The following FDX1 variants were observed in gnomAD, a reference collection of about 807,000 sequenced individuals.
The protein encoded by FDX1 is ferredoxin 1.
A neutral mutation model predicts 14.9 loss-of-function variants in FDX1; 9 were observed. That is an observed-to-expected ratio of 0.60 (90% CI 0.36 to 1.05). The LOEUF (loss-of-function observed/expected upper bound fraction) is 1.05. Among genes scored for constraint, FDX1 ranks in the 50% least tolerant of loss-of-function variants. The probability of loss-of-function intolerance (pLI) is 0.01; values close to 1 mark genes in which losing one functional copy is unlikely to be tolerated. For missense variants in FDX1, 204 were observed against 237.2 expected (o/e 0.86, Z 0.92); for synonymous variants, 92 against 99.4 (o/e 0.93, Z 0.44).
chr11:110,436,028 T>A, intron 2 of FDX1, 70 bp downstream of exon 2: 2 of 1,431,840 alleles, frequency 1.4e-6, no homozygotes, highest in Non-Finnish European at 1.9e-6. Flanking sequence ...TTTGTGGTTT[T>A]TTTTTTTGAA....
rs1946579540 is a variant in FDX1, at chr11:110,464,284, A to C, written c.*1816A>C. The C allele has an allele frequency of 6.6e-6, 1 of 152,138 alleles. No individual in the cohort carries two copies. Among genetic ancestry groups the C allele is most frequent in the African/African-American group, 2.4e-5 (1 of 41,410 alleles). 9.4% of individuals were successfully genotyped at this position (152,138 alleles called of 1,614,324 possible). On this transcript the variant is annotated 3_prime_UTR_variant, in exon 4 of 4. Coordinates refer to ENST00000260270, the MANE Select transcript of FDX1 (RefSeq NM_004109.5). ...CTGTTGCTATAATAGAATAACACAG[A>C]CTGGGTAATTTATAAAGAAAAGAGA... is the stretch of plus-strand genomic sequence containing the variant.
At position 110,463,761 on chromosome 11, in the gene FDX1, A is replaced by G. The variant is rs952386209; in HGVS notation, c.*1293A>G. On this transcript the variant is annotated 3_prime_UTR_variant, in exon 4 of 4. Coordinates refer to ENST00000260270, the MANE Select transcript of FDX1 (RefSeq NM_004109.5). ...TTCACCTTTTATTAGGAAAATATAA[A>G]ATATGTATGTATGTGCAGATAATTT... 31 of 152,232 alleles carry G rather than the reference A, an allele frequency of 2.0e-4. No homozygotes were observed. Among genetic ancestry groups the G allele is most frequent in the African/African-American group, 7.5e-4 (31 of 41,460 alleles). The allele number at this position is 152,232 out of a possible 1,614,324, so 9.4% of individuals were successfully genotyped here.
At position 110,430,066 on chromosome 11, in the gene FDX1, C is replaced by A; in HGVS notation, c.-55C>A. On this transcript the variant is annotated 5_prime_UTR_variant, in exon 1 of 4. Transcript: ENST00000260270. ...TGCCGCCCCCGCCTCTTTGGAGTCT[C>A]TCGCGGCCTCAAAGCGCGGCCTGCG... 1 of 1,178,750 alleles carries A rather than the reference C, an allele frequency of 8.5e-7. No individual in the cohort carries two copies. Among genetic ancestry groups the A allele is most frequent in the Non-Finnish European group, 1.1e-6 (1 of 945,746 alleles). 73.0% of individuals were successfully genotyped at this position (1,178,750 alleles called of 1,614,324 possible). A position where few individuals can be genotyped will look rare whatever the true frequency, so the allele number is the denominator to read the frequency against.
At chr11:110,441,108 T>C (rs1291850995) in intron 2 of FDX1, among the ~76,000 whole-genome samples, 1 of 152,254 alleles carries the variant, frequency 6.6e-6, no homozygotes, top group Non-Finnish European at 1.5e-5. Context: ...AGATATGACT[T>C]GCTTCTTCTT....
intron 2 of FDX1, among the ~76,000 whole-genome samples, chr11:110,446,775 T>C (rs1028185414): frequency 6.6e-6 from 1 of 152,192 alleles, no homozygotes; most frequent in East Asian, 1.9e-4. Flanking sequence ...CACGAGGGGC[T>C]GGCCAGCCAC....
At chr11:110,458,664 G>A (rs1946537459) in intron 3 of FDX1, among the ~76,000 whole-genome samples, 1 of 151,688 alleles carries the variant, frequency 6.6e-6, no homozygotes, top group Non-Finnish European at 1.5e-5. Flanking sequence ...CTGGAGTGCA[G>A]TGACATGATC....
intron 2 of FDX1, 67 bp from the exon 3 acceptor site, chr11:110,456,851 T>A: frequency 6.6e-7 from 1 of 1,507,250 alleles, no homozygotes; most frequent in Non-Finnish European, 9.0e-7. Context: ...TTAGAAGCCT[T>A]TACTGAACCA....
chr11:110,433,276 G>T (rs4754451), intron 1 of FDX1, among the ~76,000 whole-genome samples: 49,507 of 152,018 alleles, frequency 0.33, 8,175 homozygotes, highest in East Asian at 0.38. Context: ...TACCCATATT[G>T]CCATCTGGTG....
At chr11:110,452,538 T>G (rs1320734368) in intron 2 of FDX1, among the ~76,000 whole-genome samples, 1 of 152,058 alleles carries the variant, frequency 6.6e-6, no homozygotes, top group African/African-American at 2.4e-5. Context: ...TTGTGTTGTT[T>G]AGAGTTTCTC....
chr11:110,453,197 C>T (rs1371061965), intron 2 of FDX1, among the ~76,000 whole-genome samples: 1 of 152,072 alleles, frequency 6.6e-6, no homozygotes, highest in Non-Finnish European at 1.5e-5. Context: ...ATTAGCCAGG[C>T]ATGGTGGCTC....
At chr11:110,459,234 A>G (rs1946542059) in intron 3 of FDX1, among the ~76,000 whole-genome samples, 2 of 152,230 alleles carry the variant, frequency 1.3e-5, no homozygotes, top group Non-Finnish European at 2.9e-5. Flanking sequence ...GGATAATAAT[A>G]GTACCTACCT....
intron 3 of FDX1, among the ~76,000 whole-genome samples, chr11:110,457,802 A>G (rs1307263557): frequency 6.6e-6 from 1 of 152,202 alleles, no homozygotes; most frequent in Non-Finnish European, 1.5e-5. Flanking sequence ...ATTTTGTTAT[A>G]CACTTTTAAT....
chr11:110,451,417 T>C (rs1317563185), intron 2 of FDX1, among the ~76,000 whole-genome samples: 1 of 152,120 alleles, frequency 6.6e-6, no homozygotes, highest in East Asian at 1.9e-4. Flanking sequence ...GAATGGTGAT[T>C]ATTAAAAAGT....
At chr11:110,444,734 A>G (rs1292630199) in intron 2 of FDX1, among the ~76,000 whole-genome samples, 1 of 67,948 alleles carries the variant, frequency 1.5e-5, no homozygotes, top group Non-Finnish European at 2.7e-5. Flanking sequence ...GTATATATAT[A>G]TATATATATA....
At chr11:110,431,839 A>G (rs1302078005) in intron 1 of FDX1, among the ~76,000 whole-genome samples, 1 of 152,178 alleles carries the variant, frequency 6.6e-6, no homozygotes, top group African/African-American at 2.4e-5. Flanking sequence ...ATTTCTATTC[A>G]TGGTCTTATC....
intron 1 of FDX1, among the ~76,000 whole-genome samples, chr11:110,434,338 T>G (rs11213399): frequency 6.4e-4 from 46 of 71,890 alleles, no homozygotes; most frequent in South Asian, 1.6e-3. Context: ...CTATTGATTT[T>G]TTTTTTTTTT....
intron 2 of FDX1, among the ~76,000 whole-genome samples, chr11:110,447,031 C>T (rs1445786169): frequency 1.3e-5 from 2 of 151,510 alleles, no homozygotes; most frequent in Non-Finnish European, 2.9e-5. Flanking sequence ...AAAAATTAGC[C>T]AGGTGTGGTG....
At chr11:110,436,770 G>T (rs1175354244) in intron 2 of FDX1, among the ~76,000 whole-genome samples, 2 of 152,076 alleles carry the variant, frequency 1.3e-5, no homozygotes, top group Admixed American at 6.6e-5. Flanking sequence ...ATCCTTTAAA[G>T]AACCATTTCT....
At chr11:110,432,510 C>T (rs1174291771) in intron 1 of FDX1, among the ~76,000 whole-genome samples, 1 of 152,128 alleles carries the variant, frequency 6.6e-6, no homozygotes. Context: ...TTGGTGTACT[C>T]TTCACCTGAG....
Sources: gnomAD v4.1 joint callset for allele counts (sites outside exome capture counted in the v4.1 genomes callset) on GRCh38, gnomAD v4.1.1 for gene constraint, MANE v1.5 for transcripts, NCBI Gene and HGNC (gene_info 2026-07-23, HGNC 2026-07-21) for gene names.